Variants in GOT1 observed in about 807,000 individuals in gnomAD.
The protein encoded by GOT1 is glutamic-oxaloacetic transaminase 1, also known as aspartate aminotransferase, cytoplasmic.
In GOT1, 25 loss-of-function variants were observed where a neutral mutation model predicts 48.2. The ratio of observed to expected loss-of-function variants is 0.52; its 90% CI spans 0.38 to 0.72. The LOEUF (loss-of-function observed/expected upper bound fraction) is 0.72. GOT1 is among the 30% of genes least tolerant of loss of function. The pLI is 0.00. For missense variants in GOT1, 380 were observed against 520.1 expected (o/e 0.73, Z 2.62); for synonymous variants, 188 against 193.8 (o/e 0.97, Z 0.25).
At chr10:99,403,658 C>T (rs1383217919) in intron 6 of GOT1, 24 bp from the exon 7 acceptor site, 4 of 1,613,968 alleles carry the variant, frequency 2.5e-6, no homozygotes, top group Non-Finnish European at 3.4e-6. Context: ...CCAGAATCAG[C>T]TGTGGCTGCT....
At position 99,430,478 on chromosome 10, in the gene GOT1, C is replaced by T; in HGVS notation, c.88G>A (p.Asp30Asn). 6.2e-7 allele frequency: 1 copy of T among 1,611,622 alleles called. No individual in the cohort carries two copies. Among genetic ancestry groups the T allele is most frequent in the Non-Finnish European group, 8.5e-7 (1 of 1,178,388 alleles). The change falls in exon 1 of 9, where the codon GAC (aspartate) becomes AAC (asparagine). Residue 30 changes from aspartate (D) to asparagine (N), a missense_variant. Transcript: ENST00000370508. ...ACTCCCAGGTTGACCTTGCGGGGGT[C>T]CGGATCCTCCCTGAAGTCGGCAGTG... ...KLTADFREDP[D>N]PRKVNLGVGA...
chr10:99,420,635 T>G lies in GOT1; in HGVS notation c.289A>C (p.Lys97Gln), dbSNP rs1447584229. The change falls in exon 2 of 9, where the codon AAG becomes CAG. Residue 97 changes from lysine (K) to glutamine (Q), a missense_variant. Transcript: ENST00000370508. ...LALGDDSPAL[K>Q]EKRVGGVQSL... ...TACCCAAAACTTACCCGCTTCTCCT[T>G]GAGTGCTGGGCTGTCATCCCCAAGG... 1 of 1,610,606 alleles carries G rather than the reference T, an allele frequency of 6.2e-7. No homozygotes were observed. The highest frequency in any genetic ancestry group is 1.7e-5 in the Admixed American group (1 of 59,070).
At chr10:99,430,356 C>G in intron 1 of GOT1, 92 bp downstream of exon 1, 1 of 1,607,596 alleles carries the variant, frequency 6.2e-7, no homozygotes, top group Non-Finnish European at 8.5e-7. Context: ...CAGCGCCACA[C>G]TGGGCCTCGG....
chr10:99,407,212 C>T (rs539161391), intron 2 of GOT1, among the ~76,000 whole-genome samples: 4 of 152,206 alleles, frequency 2.6e-5, no homozygotes, highest in South Asian at 2.1e-4. Flanking sequence ...TGTGCATGCA[C>T]GCACATGCCT....
rs2032614283 is a variant in GOT1 at position 99,397,307 on chromosome 10, T to C, written c.*240A>G. 2.0e-6 allele frequency: 1 copy of C among 511,576 alleles called. No individual in the cohort carries two copies. Among genetic ancestry groups the C allele is most frequent in the South Asian group, 2.7e-5 (1 of 36,878 alleles). 31.7% of individuals were successfully genotyped at this position (511,576 alleles called of 1,614,324 possible). A position where few individuals can be genotyped will look rare whatever the true frequency, so the allele number is the denominator to read the frequency against. On this transcript the variant is annotated 3_prime_UTR_variant, in exon 9 of 9. Transcript: ENST00000370508. This position sits in a 1 kb window ranked among gnomAD's most constrained non-coding sequence, Gnocchi z 5.4. ...ATGTCTCATGATCAAAGTACTCTTTTATTCTTAAATAAAAATCTTAATTTG... is the reference window on the plus strand; with the variant it reads ...ATGTCTCATGATCAAAGTACTCTTTCATTCTTAAATAAAAATCTTAATTTG...
intron 1 of GOT1, among the ~76,000 whole-genome samples, chr10:99,427,504 C>G (rs946646089): frequency 1.7e-4 from 26 of 152,162 alleles, no homozygotes; most frequent in African/African-American, 6.0e-4. Context: ...CTCCTGACCT[C>G]GTGATCCGCC....
intron 1 of GOT1, among the ~76,000 whole-genome samples, chr10:99,425,223 G>A (rs2033022889): frequency 6.6e-6 from 1 of 152,250 alleles, no homozygotes; most frequent in African/African-American, 2.4e-5. Context: ...ACCTGTGCAA[G>A]GCCCCAGAGG....
At chr10:99,428,375 T>C (rs1035611928) in intron 1 of GOT1, among the ~76,000 whole-genome samples, 7 of 152,116 alleles carry the variant, frequency 4.6e-5, no homozygotes, top group African/African-American at 1.7e-4. Flanking sequence ...CTTTCTTTCT[T>C]GAGACGGAGT....
intron 1 of GOT1, among the ~76,000 whole-genome samples, chr10:99,428,082 T>C (rs1230842824): frequency 6.6e-6 from 1 of 152,210 alleles, no homozygotes; most frequent in East Asian, 1.9e-4. Context: ...GGGTGCTTTT[T>C]CTCTGCAGGA....
chr10:99,403,148 C>T (rs1399901806), intron 7 of GOT1, among the ~76,000 whole-genome samples: 1 of 152,104 alleles, frequency 6.6e-6, no homozygotes, highest in Non-Finnish European at 1.5e-5. Flanking sequence ...AACTGTTAAA[C>T]TGCCTAGACG....
chr10:99,413,081 C>G (rs1396979383), intron 2 of GOT1, among the ~76,000 whole-genome samples: 1 of 152,176 alleles, frequency 6.6e-6, no homozygotes, highest in Non-Finnish European at 1.5e-5. Flanking sequence ...CGGAACAAAG[C>G]TGGATGGAGA....
intron 1 of GOT1, among the ~76,000 whole-genome samples, chr10:99,429,741 A>G (rs2033091147): frequency 6.6e-6 from 1 of 152,200 alleles, no homozygotes; most frequent in African/African-American, 2.4e-5. Context: ...GGTACAGAAG[A>G]GAATCACTTG....
rs1179263742 is a variant in GOT1, at chr10:99,420,723, T to C, written c.201A>G (p.Leu67=). The C allele has an allele frequency of 5.0e-6, 8 of 1,613,840 alleles. No homozygotes were observed. The highest frequency in any genetic ancestry group is 1.7e-5 in the Admixed American group (1 of 60,000). ...CCAGGATTGGCAGATACTCGTGATT[T>C]AGGCTATTGTCATTAGCAATCTTCT... The part of the protein sequence containing the change: ...VEQKIANDNS[L]NHEYLPILGL... Residue 67 remains leucine, a synonymous_variant, in exon 2 of 9, where the codon CTA becomes CTG. Transcript: ENST00000370508.
In GOT1 at chr10:99,420,687, C is replaced by T; in HGVS notation, c.237G>A (p.Glu79=). The stretch of plus-strand genomic sequence containing the variant: ...CAAGACGAGAAGCACAGCTCCGGAA[C>T]TCAGCCAGGCCCAGGATTGGCAGAT... ...HEYLPILGLA[E]FRSCASRLAL... The change falls in exon 2 of 9, where the codon GAG becomes GAA. Residue 79 remains glutamate, a synonymous_variant. Transcript: ENST00000370508. 1 of 1,614,154 alleles carries T rather than the reference C, an allele frequency of 6.2e-7. No individual in the cohort carries two copies.
chr10:99,413,289 G>T (rs1169624342), intron 2 of GOT1, among the ~76,000 whole-genome samples: 1 of 152,186 alleles, frequency 6.6e-6, no homozygotes, highest in Non-Finnish European at 1.5e-5. Flanking sequence ...ACTACATGAC[G>T]AATGCACAAG....
Position 99,405,759 on chromosome 10 carries a change from C to A in GOT1, c.639G>T (p.Met213Ile), listed in dbSNP as rs376154545. The change falls in exon 5 of 9, where the codon ATG becomes ATT. Residue 213 changes from methionine (M) to isoleucine (I), a missense_variant. Coordinates refer to ENST00000370508, the MANE Select transcript of GOT1 (RefSeq NM_002079.3). ...PEQWKQIASV[M>I]KHRFLFPFFD... is the part of the protein sequence containing the mutation. ...GATGCTCTGAAGGGGCAGTTACCTT[C>A]ATGACAGAAGCAATCTGCTTCCACT... 32 of 1,523,474 alleles carry A rather than the reference C, an allele frequency of 2.1e-5. 1 individual carries two copies. In the Admixed American group the frequency reaches 2.2e-4, roughly 10 times the overall value. The allele number at this position is 1,523,474 out of a possible 1,614,324, so 94.4% of individuals were successfully genotyped here.
rs1194477060 is a variant in GOT1, at chr10:99,401,207, A to G, written c.1102+1373T>C. ...TTTCTGTTACATGTAATATTTTTAT[A>G]ATTGTGAGTGAACTAATTCTCTGTT... On this transcript the variant is annotated intron_variant, in intron 8 of 8. Transcript: ENST00000370508. 4.6e-5 allele frequency among the ~76,000 whole-genome samples: 7 copies of G among 152,316 alleles called. 1 individual carries two copies. The highest frequency in any genetic ancestry group is 4.6e-4 in the Admixed American group (7 of 15,292).
At chr10:99,402,110 A>G (rs2032688460) in intron 8 of GOT1, among the ~76,000 whole-genome samples, 1 of 152,120 alleles carries the variant, frequency 6.6e-6, no homozygotes, top group Non-Finnish European at 1.5e-5. Context: ...GCCCAGCCCA[A>G]TCTAGGTTCT....
intron 1 of GOT1, among the ~76,000 whole-genome samples, chr10:99,428,490 T>G (rs554536480): frequency 1.3e-5 from 2 of 152,286 alleles, no homozygotes; most frequent in East Asian, 3.9e-4. Context: ...CCCAAGTAGC[T>G]GTGACTACCA....
Sources: allele counts gnomAD v4.1 joint callset (sites outside exome capture counted in the v4.1 genomes callset), GRCh38; gene constraint gnomAD v4.1.1; non-coding constraint Gnocchi (gnomAD v3.1); transcripts MANE v1.5; gene names NCBI Gene and HGNC (gene_info 2026-07-23, HGNC 2026-07-21).